EML4: variants seen among roughly 807,000 people sequenced by gnomAD.
EML4 encodes the protein echinoderm microtubule-associated protein-like 4.
EML4 carries 72 observed loss-of-function variants against 129.0 expected under a neutral mutation model. The observed-to-expected ratio is 0.56, with a 90% CI of 0.46 to 0.68. EML4 has a LOEUF of 0.68. Among genes scored for constraint, EML4 ranks in the 30% least tolerant of loss-of-function variants. EML4 has a pLI of 0.00. For missense variants in EML4, 1,363 were observed against 1,190.6 expected (o/e 1.14, Z -2.13); for synonymous variants, 532 against 405.0 (o/e 1.31, Z -3.77).
intron 1 of EML4, among the ~76,000 whole-genome samples, chr2:42,244,779 T>C (rs1177876532): frequency 6.6e-6 from 1 of 152,148 alleles, no homozygotes; most frequent in Non-Finnish European, 1.5e-5. Context: ...AAACAAGTGA[T>C]TTATATGCCT....
chr2:42,245,065 A>C (rs577087438), intron 1 of EML4, among the ~76,000 whole-genome samples: 2 of 104,908 alleles, frequency 1.9e-5, no homozygotes, highest in Non-Finnish European at 3.9e-5. Context: ...ATGAGATGTT[A>C]TGGAGTTTTT....
intron 1 of EML4, among the ~76,000 whole-genome samples, chr2:42,231,268 G>T (rs956752378): frequency 6.6e-6 from 1 of 152,134 alleles, no homozygotes; most frequent in Non-Finnish European, 1.5e-5. Context: ...CTAGCTTTCT[G>T]ACAGTTTTTA....
chr2:42,181,603 A>C (rs60881232), intron 1 of EML4, among the ~76,000 whole-genome samples: 1 of 152,048 alleles, frequency 6.6e-6, no homozygotes, highest in African/African-American at 2.4e-5. Flanking sequence ...GCCAGGTTTC[A>C]TATTTTTTTG....
chr2:42,207,823 C>T (rs952578958), intron 1 of EML4: 1 of 152,170 alleles, frequency 6.6e-6, no homozygotes, highest in Non-Finnish European at 1.5e-5. Context: ...ACCTTTGCTT[C>T]ACTGATGAAT....
chr2:42,317,650 C>G (rs986783828), intron 19 of EML4, 126 bp downstream of exon 19: 4 of 633,688 alleles, frequency 6.3e-6, no homozygotes, highest in African/African-American at 5.5e-5. Flanking sequence ...TCTTTGAAAA[C>G]TGGAACTGGT....
intron 1 of EML4, among the ~76,000 whole-genome samples, chr2:42,225,248 T>C (rs1030156363): frequency 3.9e-5 from 6 of 152,114 alleles, no homozygotes; most frequent in Admixed American, 6.5e-5. Flanking sequence ...GTCCACACTT[T>C]CGGTTCTGTT....
intron 6 of EML4, among the ~76,000 whole-genome samples, chr2:42,277,847 A>G (rs1448515821): frequency 6.6e-6 from 1 of 152,166 alleles, no homozygotes; most frequent in Non-Finnish European, 1.5e-5. Context: ...GATTACAGGC[A>G]TGAGCCACCA....
rs546175615 is a variant in EML4 at position 42,316,286 on chromosome 2, T to G, written c.2056+236T>G. On this transcript the variant is annotated intron_variant, in intron 18 of 22. Coordinates refer to ENST00000318522, the MANE Select transcript of EML4 (RefSeq NM_019063.5). ...TAAAATGGACAGCTGCATTTGCAATTGAAAGCAGAATAAAGTGCAGTCAGA... is the reference window on the plus strand; with the variant it reads ...TAAAATGGACAGCTGCATTTGCAATGGAAAGCAGAATAAAGTGCAGTCAGA... Among the ~76,000 whole-genome samples, 47 of 152,324 alleles carry G rather than the reference T, an allele frequency of 3.1e-4. 2 individuals are homozygous for G. In the South Asian group the frequency reaches 9.7e-3, roughly 32 times the overall value.
chr2:42,285,655 G>A (rs1399105972), intron 9 of EML4, among the ~76,000 whole-genome samples: 1 of 149,780 alleles, frequency 6.7e-6, no homozygotes, highest in African/African-American at 2.5e-5. Flanking sequence ...CTGGAGTGCA[G>A]TGGCACAATA....
At chr2:42,311,118 A>G (rs1183251972) in intron 17 of EML4, among the ~76,000 whole-genome samples, 1 of 152,220 alleles carries the variant, frequency 6.6e-6, no homozygotes, top group Middle Eastern at 3.2e-3. Flanking sequence ...AAATGACTTA[A>G]GAGTTTTAGG....
At chr2:42,207,272 A>G (rs778000403) in intron 1 of EML4, among the ~76,000 whole-genome samples, 5 of 152,324 alleles carry the variant, frequency 3.3e-5, no homozygotes, top group African/African-American at 4.8e-5. Context: ...AAATATATCT[A>G]TGTATACACA....
chr2:42,253,630 G>T (rs1172677181), intron 2 of EML4, among the ~76,000 whole-genome samples: 1 of 152,056 alleles, frequency 6.6e-6, no homozygotes, highest in Non-Finnish European at 1.5e-5. Flanking sequence ...CCATTTAGTT[G>T]TTTTGATATT....
chr2:42,285,835 A>G (rs1572690687), intron 9 of EML4: 2 of 175,018 alleles, frequency 1.1e-5, no homozygotes, highest in Admixed American at 5.6e-5. Context: ...TCCTGACCTC[A>G]TGATCCGCCC....
chr2:42,219,880 C>G (rs931291472), intron 1 of EML4, among the ~76,000 whole-genome samples: 5 of 149,250 alleles, frequency 3.4e-5, no homozygotes, highest in Non-Finnish European at 7.4e-5. Context: ...GAGCCAAGAT[C>G]GTGCTACTGC....
intron 19 of EML4, chr2:42,325,095 T>A (rs922473634): frequency 9.3e-6 from 4 of 430,018 alleles, no homozygotes; most frequent in Non-Finnish European, 1.9e-5. Context: ...GCACAACTTA[T>A]AACCAACACT....
intron 13 of EML4, among the ~76,000 whole-genome samples, chr2:42,299,215 T>A (rs891102641): frequency 1.3e-5 from 2 of 152,234 alleles, no homozygotes; most frequent in Non-Finnish European, 1.5e-5. Context: ...CCTGTCTCCC[T>A]GCCATATATA....
At chr2:42,245,201 T>C (rs1464984302) in intron 1 of EML4, among the ~76,000 whole-genome samples, 3 of 147,888 alleles carry the variant, frequency 2.0e-5, no homozygotes, top group Non-Finnish European at 4.5e-5. Flanking sequence ...TTCACATGAT[T>C]CTTGTGCCTC....
chr2:42,225,326 C>T (rs1673886646), intron 1 of EML4, among the ~76,000 whole-genome samples: 1 of 152,040 alleles, frequency 6.6e-6, no homozygotes, highest in South Asian at 2.1e-4. Context: ...AGGAAATGCC[C>T]ACTGTTTTCT....
At chr2:42,304,948 G>A (rs529286467) in intron 17 of EML4, among the ~76,000 whole-genome samples, 10 of 152,064 alleles carry the variant, frequency 6.6e-5, no homozygotes, top group East Asian at 3.9e-4. Context: ...GCGAAACCCC[G>A]TCCCTACTAA....
Sources: gnomAD v4.1 joint callset for allele counts (sites outside exome capture counted in the v4.1 genomes callset) on GRCh38, gnomAD v4.1.1 for gene constraint, MANE v1.5 for transcripts, NCBI Gene and HGNC (gene_info 2026-07-23, HGNC 2026-07-21) for gene names.